The following ASCC3 variants were observed in gnomAD, a reference collection of about 807,000 sequenced individuals.
ASCC3 encodes the protein activating signal cointegrator 1 complex subunit 3, also known as ASC-1 complex subunit P200.
ASCC3 carries 158 observed loss-of-function variants against 256.3 expected under a neutral mutation model. The observed-to-expected ratio is 0.62, with a 90% CI of 0.54 to 0.70. ASCC3 has a LOEUF of 0.70. Ranked by LOEUF, ASCC3 falls within the 30% of genes least tolerant of loss-of-function variation. ASCC3 has a pLI of 0.00. For synonymous variants in ASCC3, 948 were observed against 883.4 expected, an observed-to-expected ratio of 1.07 and a Z score of -1.30; for missense variants, 2,259 against 2,626.0, an observed-to-expected ratio of 0.86 and a Z score of 3.05.
chr6:100,788,355 T>A (rs924751315), intron 8 of ASCC3, among the ~76,000 whole-genome samples: 1 of 151,988 alleles, frequency 6.6e-6, no homozygotes, highest in Non-Finnish European at 1.5e-5. Context: ...GGAATACTCA[T>A]ACATTGCTGG....
chr6:100,510,268 T>A, intron 40 of ASCC3, 161 bp from the exon 41 acceptor site: 1 of 723,796 alleles, frequency 1.4e-6, no homozygotes, highest in Non-Finnish European at 2.3e-6. Flanking sequence ...TGGTTTGGTG[T>A]CTTTGATATG....
At chr6:100,534,133 A>T (rs1442624375) in intron 37 of ASCC3, among the ~76,000 whole-genome samples, 1 of 152,162 alleles carries the variant, frequency 6.6e-6, no homozygotes, top group Non-Finnish European at 1.5e-5. Context: ...AGTCCCAGCT[A>T]CTCAGGAGGC....
At chr6:100,585,170 A>C (rs968711430) in intron 36 of ASCC3, among the ~76,000 whole-genome samples, 3 of 152,006 alleles carry the variant, frequency 2.0e-5, no homozygotes, top group African/African-American at 7.3e-5. Context: ...TATCCTGCAG[A>C]GTGTTTTCCA....
In ASCC3 at chr6:100,647,355, C is replaced by T. The variant is rs761981590; in HGVS notation, c.3349G>A (p.Asp1117Asn). Residue 1117 changes from aspartate (D) to asparagine (N), a missense_variant, in exon 21 of 42, where the codon GAC (aspartate) becomes AAC (asparagine). Around this residue, in one of 2 missense-constraint regions of ASCC3, gnomAD observed 1,839 missense variants for 2,206.7 expected, o/e 0.83. Transcript: ENST00000369162. The stretch of plus-strand genomic sequence containing the variant: ...CTAGCCCAACCCCAAAGCCTCTTGT[C>T]AATGACTTTACTAAGATTCAGGAGC... ...YRLLNLSKVI[D>N]KRLWGWASPL... The T allele has an allele frequency of 1.2e-6, 2 of 1,613,872 alleles. No individual in the cohort carries two copies. The highest frequency in any genetic ancestry group is 4.5e-5 in the East Asian group (2 of 44,852).
intron 24 of ASCC3, among the ~76,000 whole-genome samples, chr6:100,641,407 GT>G (rs1342638979): frequency 6.6e-6 from 1 of 152,176 alleles, no homozygotes; most frequent in Non-Finnish European, 1.5e-5. Context: ...GTGTGAGATG[GT>G]ATCTCACTGT....
intron 14 of ASCC3, among the ~76,000 whole-genome samples, chr6:100,673,875 A>G (rs1412271174): frequency 6.6e-6 from 1 of 152,210 alleles, no homozygotes; most frequent in Non-Finnish European, 1.5e-5. Flanking sequence ...CTGTGAATAG[A>G]GAACATTCTT....
chr6:100,828,351 T>C lies in ASCC3; in HGVS notation c.801+19797A>G, dbSNP rs1771433603. Among the ~76,000 whole-genome samples, 3 of 152,294 alleles carry C rather than the reference T, an allele frequency of 2.0e-5. No individual in the cohort carries two copies. The East Asian group carries it at 5.8e-4, about 29-fold the overall frequency. On this transcript the variant is annotated intron_variant, in intron 4 of 41. Transcript: ENST00000369162. ...AAAAAGTACAAGGTATCTATTGTAG[T>C]AGTTCCCCTTTATCCGCGGTGGGGA...
chr6:100,766,434 T>C, intron 10 of ASCC3, 131 bp downstream of exon 10: 1 of 997,140 alleles, frequency 1.0e-6, no homozygotes. Context: ...AAGATGTGGT[T>C]ACAAATAAAA....
In ASCC3 at chr6:100,643,073, C is replaced by T. The variant is rs139135528; in HGVS notation, c.3733-324G>A. 5.1e-4 allele frequency among the ~76,000 whole-genome samples: 77 copies of T among 152,148 alleles called. 1 individual carries two copies. Among genetic ancestry groups the T allele is most frequent in the Non-Finnish European group, 1.3e-4 (9 of 67,986 alleles). On this transcript the variant is annotated intron_variant, in intron 23 of 41. Coordinates refer to ENST00000369162, the MANE Select transcript of ASCC3 (RefSeq NM_006828.4). ...CATAACTTCATGATTTTTACCTTAC[C>T]GAATTACCATATTGTTTACTTAATA... is the stretch of plus-strand genomic sequence containing the variant.
At position 100,683,508 on chromosome 6, in the gene ASCC3, A is replaced by G. The variant is rs1435406986; in HGVS notation, c.2152-3756T>C. On this transcript the variant is annotated intron_variant, in intron 13 of 41. Transcript: ENST00000369162. ...TTAAAAATTTCATTGAAGTCATTACAAGGTTTTGGGTCTCTATAAACACAC... is the reference window on the plus strand; with the variant it reads ...TTAAAAATTTCATTGAAGTCATTACGAGGTTTTGGGTCTCTATAAACACAC... Among the ~76,000 whole-genome samples, 4 of 152,254 alleles carry G rather than the reference A, an allele frequency of 2.6e-5. No individual in the cohort carries two copies. The East Asian group carries it at 5.8e-4, about 22-fold the overall frequency.
At chr6:100,839,985 G>T (rs1772059765) in intron 4 of ASCC3, among the ~76,000 whole-genome samples, 1 of 152,110 alleles carries the variant, frequency 6.6e-6, no homozygotes, top group Non-Finnish European at 1.5e-5. Flanking sequence ...CAACTATGTT[G>T]ATCTTTCCTA....
intron 4 of ASCC3, among the ~76,000 whole-genome samples, chr6:100,844,676 T>C (rs1772306161): frequency 6.6e-6 from 1 of 152,130 alleles, no homozygotes; most frequent in Admixed American, 6.5e-5. Flanking sequence ...GGCTTAATCA[T>C]AATGCCTACA....
intron 36 of ASCC3, among the ~76,000 whole-genome samples, chr6:100,586,782 A>G (rs368105327): frequency 1.3e-5 from 2 of 152,186 alleles, no homozygotes; most frequent in Non-Finnish European, 2.9e-5. Context: ...TCTATACGTT[A>G]TTAATACCCC....
At chr6:100,613,028 T>A (rs1389872057) in intron 30 of ASCC3, among the ~76,000 whole-genome samples, 1 of 152,054 alleles carries the variant, frequency 6.6e-6, no homozygotes, top group Non-Finnish European at 1.5e-5. Context: ...TTTCAATGTT[T>A]GCTTTTTAGT....
chr6:100,688,859 G>C (rs1055102029), intron 13 of ASCC3, among the ~76,000 whole-genome samples: 1 of 152,076 alleles, frequency 6.6e-6, no homozygotes, highest in Non-Finnish European at 1.5e-5. Context: ...ACAACTATAG[G>C]AGGAAGTAAC....
At chr6:100,566,692 T>C (rs897727136) in intron 36 of ASCC3, among the ~76,000 whole-genome samples, 1 of 152,162 alleles carries the variant, frequency 6.6e-6, no homozygotes, top group Non-Finnish European at 1.5e-5. Flanking sequence ...TTTAAGGACA[T>C]TGCTTCTTCC....
intron 37 of ASCC3, among the ~76,000 whole-genome samples, chr6:100,534,607 A>T (rs1179697063): frequency 1.3e-5 from 2 of 152,242 alleles, no homozygotes; most frequent in Non-Finnish European, 2.9e-5. Context: ...AAATTTTAAA[A>T]ATTGAGATAT....
At chr6:100,837,075 T>G (rs1562333206) in intron 4 of ASCC3, among the ~76,000 whole-genome samples, 2 of 151,936 alleles carry the variant, frequency 1.3e-5, no homozygotes, top group Admixed American at 1.3e-4. Flanking sequence ...AAAATCTGAA[T>G]AGACATTTCT....
At chr6:100,552,830 T>C (rs1453371487) in intron 36 of ASCC3, among the ~76,000 whole-genome samples, 2 of 151,926 alleles carry the variant, frequency 1.3e-5, no homozygotes, top group African/African-American at 2.4e-5. Context: ...AAGAAAAAGA[T>C]AGAAAATATT....
Sources: gnomAD v4.1 joint callset for allele counts (sites outside exome capture counted in the v4.1 genomes callset) on GRCh38, gnomAD v4.1.1 for gene constraint, gnomAD v4.1.1 regional missense constraint, MANE v1.5 for transcripts, NCBI Gene and HGNC (gene_info 2026-07-23, HGNC 2026-07-21) for gene names.